The following GJB7 variants were observed in gnomAD, a reference collection of about 807,000 sequenced individuals.
The protein encoded by GJB7 is gap junction protein beta 7.
For synonymous variants in GJB7, 87 were observed against 95.2 expected (o/e 0.91, Z 0.50); for missense variants, 253 against 256.8 (o/e 0.99, Z 0.10).
chr6:87,302,459 G>A (rs951304757), intron 2 of GJB7, among the ~76,000 whole-genome samples: 1 of 152,160 alleles, frequency 6.6e-6, no homozygotes, highest in East Asian at 1.9e-4. Flanking sequence ...GAAATGAAGC[G>A]AGAAGAGAAG....
At chr6:87,305,976 G>A (rs1159997191) in intron 2 of GJB7, among the ~76,000 whole-genome samples, 2 of 152,016 alleles carry the variant, frequency 1.3e-5, no homozygotes, top group Admixed American at 1.3e-4. Context: ...CTAGCCATAT[G>A]TAGAAAGCTG....
chr6:87,326,922 C>G (rs376181117), intron 1 of GJB7, among the ~76,000 whole-genome samples: 3,887 of 99,962 alleles, frequency 0.039, 101 homozygotes, highest in East Asian at 0.047. Flanking sequence ...GTAGGTCACT[C>G]AGGACTTGCT....
intron 2 of GJB7, among the ~76,000 whole-genome samples, chr6:87,287,315 G>C (rs1389989649): frequency 6.6e-6 from 1 of 152,162 alleles, no homozygotes; most frequent in African/African-American, 2.4e-5. Context: ...GAGAATCATG[G>C]AAATGGTGGT....
intron 2 of GJB7, among the ~76,000 whole-genome samples, chr6:87,304,957 C>T (rs1368513576): frequency 2.0e-5 from 3 of 152,162 alleles, no homozygotes; most frequent in Non-Finnish European, 2.9e-5. Context: ...CAGAAAAGGC[C>T]TTTGAGAAAA....
intron 2 of GJB7, among the ~76,000 whole-genome samples, chr6:87,292,856 G>A (rs1776198210): frequency 6.6e-6 from 1 of 152,142 alleles, no homozygotes; most frequent in South Asian, 2.1e-4. Flanking sequence ...AGCTAGAGAT[G>A]AAACCCATGT....
chr6:87,311,573 G>A (rs1776512970), intron 2 of GJB7, among the ~76,000 whole-genome samples: 1 of 152,196 alleles, frequency 6.6e-6, no homozygotes, highest in African/African-American at 2.4e-5. Flanking sequence ...TTTCAAGGTG[G>A]GGAATTGATA....
rs370270847 is a variant in GJB7, at chr6:87,284,432, G to A, written c.481C>T (p.Pro161Ser). The change falls in exon 3 of 3, where the codon CCT (proline) becomes TCT (serine). Residue 161 changes from proline (P) to serine (S), a missense_variant. Physicochemically the swap from Pro to Ser is moderately conservative, Grantham distance 74 (BLOSUM62 -1). Transcript: ENST00000525899. ...AAGCAGTCCACAGTGTTGGGACAAG[G>A]CTTCAAATCACACTTTATAAGGTAG... is the stretch of plus-strand genomic sequence containing the variant. The part of the protein sequence containing the change: ...VPYLIKCDLK[P>S]CPNTVDCFIS... 2 of 1,614,036 alleles carry A rather than the reference G, an allele frequency of 1.2e-6. No homozygotes were observed. The highest frequency in any genetic ancestry group is 1.7e-6 in the Non-Finnish European group (2 of 1,179,988).
chr6:87,324,826 T>A (rs1481067650), intron 1 of GJB7, among the ~76,000 whole-genome samples: 3 of 152,216 alleles, frequency 2.0e-5, no homozygotes, highest in Non-Finnish European at 4.4e-5. Context: ...GGTAGCTTGA[T>A]GGGGATGGCA....
intron 1 of GJB7, among the ~76,000 whole-genome samples, chr6:87,324,130 T>C (rs1000805102): frequency 2.0e-5 from 3 of 152,104 alleles, no homozygotes; most frequent in Admixed American, 2.0e-4. Context: ...TCTTTGTTTT[T>C]GTCTTGTAAA....
At chr6:87,324,934 C>T (rs541750237) in intron 1 of GJB7, among the ~76,000 whole-genome samples, 7 of 152,252 alleles carry the variant, frequency 4.6e-5, no homozygotes, top group African/African-American at 1.7e-4. Flanking sequence ...TTTGTATCCT[C>T]TTTTATTTCC....
In GJB7 at chr6:87,284,018, A is replaced by G. The variant is rs914024147; in HGVS notation, c.*223T>C. 3.9e-6 allele frequency: 2 copies of G among 516,406 alleles called. No individual in the cohort carries two copies. Among genetic ancestry groups the G allele is most frequent in the Non-Finnish European group, 6.9e-6 (2 of 288,600 alleles). The allele number at this position is 516,406 out of a possible 1,614,324, so 32.0% of individuals were successfully genotyped here. ...AACTGAAAGCATATTGACAATGTAA[A>G]AAAATTCCTCCCAAATGATACTAAG... On this transcript the variant is annotated 3_prime_UTR_variant, in exon 3 of 3. Transcript: ENST00000525899.
chr6:87,303,105 G>C (rs188918637), intron 2 of GJB7, among the ~76,000 whole-genome samples: 3,395 of 152,304 alleles, frequency 0.022, 50 homozygotes, highest in Middle Eastern at 0.044. Context: ...AGGCTAGGAA[G>C]AAACTGCATC....
At chr6:87,320,928 C>T (rs557157901) in intron 2 of GJB7, among the ~76,000 whole-genome samples, 3 of 152,004 alleles carry the variant, frequency 2.0e-5, no homozygotes, top group South Asian at 4.2e-4. Context: ...TGGAAAAGAC[C>T]TAGTAAGGGG....
Position 87,284,712 on chromosome 6 carries a change from G to T in GJB7, c.201C>A (p.Asp67Glu). 6.2e-7 allele frequency: 1 copy of T among 1,614,104 alleles called. No homozygotes were observed. The highest frequency in any genetic ancestry group is 8.5e-7 in the Non-Finnish European group (1 of 1,180,008). Residue 67 changes from aspartate to glutamate, a missense_variant, in exon 3 of 3, where the codon GAC becomes GAA. Asp to Glu is a conservative substitution (Grantham distance 45). Transcript: ENST00000525899. The stretch of plus-strand genomic sequence containing the variant: ...GTCTGACTTGGGAAATGGGGAAGAA[G>T]TCATCAAAACACACATTTTTGCAAC... ...QPGCKNVCFD[D>E]FFPISQVRLW...
chr6:87,299,774 T>C (rs757005069), intron 2 of GJB7: 3 of 161,920 alleles, frequency 1.9e-5, no homozygotes, highest in Non-Finnish European at 2.7e-5. Flanking sequence ...CCTCGTAACT[T>C]AGAAAAAGTT....
chr6:87,297,373 CAGCATCAAAAGAATGTGAGTTTGGA>C (rs1776262435), intron 2 of GJB7, among the ~76,000 whole-genome samples: 1 of 152,138 alleles, frequency 6.6e-6, no homozygotes, highest in Non-Finnish European at 1.5e-5. Context: ...CAGTGATACC[CAGCATCAAAAGAATGTGAGTTTGGA>C]AGAGAAATAT....
Position 87,301,685 on chromosome 6 carries a change from C to T in GJB7, c.-27-16746G>A, listed in dbSNP as rs192235965. Among the ~76,000 whole-genome samples the T allele has an allele frequency of 3.9e-5, 6 of 152,304 alleles. No homozygotes were observed. The East Asian group carries it at 7.7e-4, about 20-fold the overall frequency. ...GTCTGACAGCTTTGAAGAGAGTAAT[C>T]GTTCTCCCAGCACAGTTTGAGATCT... On this transcript the variant is annotated intron_variant, in intron 2 of 2. Coordinates refer to ENST00000525899, the MANE Select transcript of GJB7 (RefSeq NM_198568.3).
chr6:87,304,081 C>T (rs1776380517), intron 2 of GJB7, among the ~76,000 whole-genome samples: 1 of 151,970 alleles, frequency 6.6e-6, no homozygotes, highest in African/African-American at 2.4e-5. Flanking sequence ...CAGGAAAGAT[C>T]CAAAATTGAC....
intron 2 of GJB7, chr6:87,300,556 T>C (rs917954299): frequency 1.9e-5 from 3 of 158,176 alleles, no homozygotes; most frequent in Admixed American, 1.3e-4. Flanking sequence ...TGAAGGCTGA[T>C]GTTTAAGAAA....
Sources: gnomAD v4.1 joint callset for allele counts (sites outside exome capture counted in the v4.1 genomes callset) on GRCh38, gnomAD v4.1.1 for gene constraint, MANE v1.5 for transcripts, NCBI Gene and HGNC (gene_info 2026-07-23, HGNC 2026-07-21) for gene names.